Variants in CYP4A22 observed in about 807,000 individuals in gnomAD.
CYP4A22 encodes cytochrome P450 family 4 subfamily A member 22.
CYP4A22 carries 46 observed loss-of-function variants against 56.2 expected under a neutral mutation model. The observed-to-expected ratio is 0.82, with a 90% confidence interval of 0.65 to 1.05. CYP4A22 has a LOEUF of 1.05. CYP4A22 is among the 50% of genes least tolerant of loss of function. The pLI is 0.00. For synonymous variants in CYP4A22, 193 were observed against 251.1 expected (o/e 0.77, Z 2.19); for missense variants, 541 against 645.9 (o/e 0.84, Z 1.76).
At chr1:47,145,016 T>C in intron 9 of CYP4A22, 46 bp downstream of exon 9, 1 of 1,606,998 alleles carries the variant, frequency 6.2e-7, no homozygotes, top group Non-Finnish European at 8.5e-7. Flanking sequence ...CACGGGGACG[T>C]GTGGAGGGTG....
chr1:47,141,370 G>A (rs910684806), intron 2 of CYP4A22, among the ~76,000 whole-genome samples: 4 of 152,084 alleles, frequency 2.6e-5, no homozygotes, highest in Non-Finnish European at 5.9e-5. Flanking sequence ...CTAGCCCTCT[G>A]GGTGTTTTCC....
chr1:47,147,624 T>C (rs1232559677), intron 11 of CYP4A22, among the ~76,000 whole-genome samples: 3 of 152,174 alleles, frequency 2.0e-5, no homozygotes, highest in East Asian at 1.9e-4. Context: ...TCACGAATGC[T>C]ACCTGGGGGC....
chr1:47,137,522 G>T lies in CYP4A22; in HGVS notation c.37G>T (p.Gly13Cys). 3 of 1,614,072 alleles carry T rather than the reference G, an allele frequency of 1.9e-6. No homozygotes were observed. The highest frequency in any genetic ancestry group is 3.3e-5 in the Admixed American group (2 of 60,010). Reference sequence around the variant, plus strand: ...TGTCCTGAGCCCCAGCAGACGCCTGGGTGGTGTCTCCGGGATCCTCCAAGT... The same window carrying T: ...TGTCCTGAGCCCCAGCAGACGCCTGTGTGGTGTCTCCGGGATCCTCCAAGT... ...VSVLSPSRRL[G>C]GVSGILQVTS... Residue 13 changes from glycine to cysteine, a missense_variant, in exon 1 of 12, where the codon GGT becomes TGT. Around this residue, in one of 3 missense-constraint regions of CYP4A22, gnomAD observed 335 missense variants for 361.2 expected, o/e 0.93. Transcript: ENST00000371891.
At chr1:47,142,588 G>A (rs971037856) in intron 4 of CYP4A22, among the ~76,000 whole-genome samples, 1 of 152,216 alleles carries the variant, frequency 6.6e-6, no homozygotes, top group Non-Finnish European at 1.5e-5. Context: ...GGCAGCTTCA[G>A]TGGCAGCATG....
At chr1:47,139,985 A>G (rs1345165331) in intron 1 of CYP4A22, among the ~76,000 whole-genome samples, 1 of 152,230 alleles carries the variant, frequency 6.6e-6, no homozygotes, top group Admixed American at 6.5e-5. Context: ...CAGTGGTGGC[A>G]TCGGCGTTGG....
At chr1:47,144,204 C>T (rs1477916648) in intron 6 of CYP4A22, among the ~76,000 whole-genome samples, 153 bp from the exon 7 acceptor site, 1 of 152,212 alleles carries the variant, frequency 6.6e-6, no homozygotes, top group Non-Finnish European at 1.5e-5. Flanking sequence ...CCCTGCCTCA[C>T]ACAGTACTAG....
At chr1:47,143,426 G>C in intron 5 of CYP4A22, 33 bp downstream of exon 5, 1 of 1,550,958 alleles carries the variant, frequency 6.4e-7, no homozygotes. Flanking sequence ...CAGGGCCCTT[G>C]TTCTTATCAA....
chr1:47,146,340 C>A (rs1301826541), intron 11 of CYP4A22, 187 bp downstream of exon 11: 13 of 1,478,502 alleles, frequency 8.8e-6, no homozygotes, highest in Non-Finnish European at 1.2e-5. Flanking sequence ...GCATTCAGAG[C>A]ACCCCATGGA....
At chr1:47,147,166 C>T (rs1460652511) in intron 11 of CYP4A22, 1 of 985,320 alleles carries the variant, frequency 1.0e-6, no homozygotes, top group Non-Finnish European at 1.2e-6. Flanking sequence ...AGTCCACTTA[C>T]ATGGAACAGG....
intron 1 of CYP4A22, 48 bp from the exon 2 acceptor site, chr1:47,140,730 CAA>C (rs1557645571): frequency 6.2e-7 from 1 of 1,605,224 alleles, no homozygotes; most frequent in East Asian, 2.2e-5. Context: ...ACTCCTGCTG[CAA>C]AGACTAGAAG....
intron 1 of CYP4A22, among the ~76,000 whole-genome samples, chr1:47,139,754 G>T (rs556557456): frequency 7.4e-4 from 112 of 152,286 alleles, no homozygotes; most frequent in Non-Finnish European, 1.3e-3. Context: ...GTTGCTTTGA[G>T]TTACTAGAAG....
intron 11 of CYP4A22, chr1:47,146,907 C>A: frequency 1.0e-6 from 1 of 985,474 alleles, no homozygotes. Context: ...GAACAGTACA[C>A]TGTCTTGGAG....
chr1:47,147,784 T>C (rs977139703), intron 11 of CYP4A22, among the ~76,000 whole-genome samples: 3 of 152,040 alleles, frequency 2.0e-5, no homozygotes. Context: ...AGGTAAAATG[T>C]GGGTGAGGCA....
chr1:47,144,937 G>A lies in CYP4A22; in HGVS notation c.1189G>A (p.Val397Ile), dbSNP rs141856283. 1.1e-5 allele frequency: 17 copies of A among 1,614,156 alleles called. No individual in the cohort carries two copies. Among genetic ancestry groups the A allele is most frequent in the South Asian group, 2.2e-5 (2 of 91,084 alleles). Residue 397 changes from valine to isoleucine, a missense_variant, in exon 9 of 12, where the codon GTC becomes ATC. Val to Ile is a conservative substitution (Grantham distance 29). Around this residue, in one of 3 missense-constraint regions of CYP4A22, gnomAD observed 204 missense variants for 258.9 expected, o/e 0.79. Transcript: ENST00000371891. ...CATTGGAAGAGAGCTCAGCACTCCCGTCACCTTCCCTGATGGGCGCTCCTT... is the reference window on the plus strand; with the variant it reads ...CATTGGAAGAGAGCTCAGCACTCCCATCACCTTCCCTGATGGGCGCTCCTT... The part of the protein sequence containing the change: ...PGIGRELSTP[V>I]TFPDGRSLPK...
intron 11 of CYP4A22, chr1:47,146,828 G>A (rs1645081244): frequency 2.8e-5 from 28 of 986,486 alleles, no homozygotes; most frequent in Non-Finnish European, 3.4e-5. Flanking sequence ...TTCTGTACAT[G>A]CCTTGAGATC....
chr1:47,142,126 T>G lies in CYP4A22; in HGVS notation c.401T>G (p.Leu134Trp). ...ACCTTAGGGTACGGCTTGCTCCTGTTGAATGGGCAGACATGGTTCCAGCAT... is the reference window on the plus strand; with the variant it reads ...ACCTTAGGGTACGGCTTGCTCCTGTGGAATGGGCAGACATGGTTCCAGCAT... ...APRIGYGLLLLNGQTWFQHRR... is the reference protein window; with the variant it reads ...APRIGYGLLLWNGQTWFQHRR... Residue 134 changes from leucine to tryptophan, a missense_variant, in exon 4 of 12, where the codon TTG (leucine) becomes TGG (tryptophan). By Grantham distance (61) the Leu-to-Trp change is moderately conservative. Transcript: ENST00000371891. 1 of 1,613,566 alleles carries G rather than the reference T, an allele frequency of 6.2e-7. No homozygotes were observed. Among genetic ancestry groups the G allele is most frequent in the East Asian group, 2.2e-5 (1 of 44,864 alleles).
chr1:47,144,465 T>C lies in CYP4A22; in HGVS notation c.897+2T>C, dbSNP rs200209359. 167 of 1,613,794 alleles carry C rather than the reference T, an allele frequency of 1.0e-4. No homozygotes were observed. Among genetic ancestry groups the C allele is most frequent in the Non-Finnish European group, 5.9e-6 (7 of 1,179,852 alleles). On this transcript the variant is annotated splice_donor_variant, in intron 7 of 11. Transcript: ENST00000371891. LOFTEE classifies it high-confidence loss of function. The stretch of plus-strand genomic sequence containing the variant: ...CTGGACATCCTCCTCTTGGCCAAAG[T>C]GAGTATGTGTAGGAGAGGCCTGAGT...
intron 11 of CYP4A22, 101 bp downstream of exon 11, chr1:47,146,254 G>A (rs767063295): frequency 1.3e-5 from 21 of 1,602,316 alleles, no homozygotes; most frequent in Non-Finnish European, 1.7e-5. Flanking sequence ...GCATCTTCAG[G>A]TGTGCTCTTA....
chr1:47,137,500 C>T lies in CYP4A22; in HGVS notation c.15C>T (p.Val5=). The part of the protein sequence containing the change: MSVS[V]LSPSRRLGGV... ...GGTGCTGCACCATGAGTGTCTCTGT[C>T]CTGAGCCCCAGCAGACGCCTGGGTG... The change falls in exon 1 of 12, where the codon GTC becomes GTT. Residue 5 remains valine (V), a synonymous_variant. Transcript: ENST00000371891. 1 of 1,613,088 alleles carries T rather than the reference C, an allele frequency of 6.2e-7. No homozygotes were observed.
Sources: allele counts gnomAD v4.1 joint callset (sites outside exome capture counted in the v4.1 genomes callset), GRCh38; gene constraint gnomAD v4.1.1; regional missense constraint gnomAD v4.1.1; transcripts MANE v1.5; gene names NCBI Gene and HGNC (gene_info 2026-07-23, HGNC 2026-07-21).